Variants in NIBAN1 observed in about 807,000 individuals in gnomAD.
NIBAN1 encodes the protein protein Niban 1.
Under a neutral mutation model 75.1 loss-of-function variants are expected in NIBAN1, and 81 were observed. The ratio of observed to expected loss-of-function variants is 1.08; its 90% CI spans 0.90 to 1.30. The LOEUF is 1.30. NIBAN1 is among the 50% of genes most tolerant of loss of function. NIBAN1 has a pLI of 0.00. For synonymous variants in NIBAN1, 436 were observed against 424.8 expected (o/e 1.03, Z -0.32); for missense variants, 1,133 against 1,128.1 (o/e 1.00, Z -0.06).
intron 5 of NIBAN1, among the ~76,000 whole-genome samples, chr1:184,878,065 G>A (rs959033650): frequency 6.6e-6 from 1 of 152,108 alleles, no homozygotes; most frequent in Admixed American, 6.6e-5. Context: ...GAGATGGGGT[G>A]GAAGTCTGTG....
At chr1:184,827,794 A>G (rs1654883749) in intron 6 of NIBAN1, among the ~76,000 whole-genome samples, 1 of 151,874 alleles carries the variant, frequency 6.6e-6, no homozygotes, top group African/African-American at 2.4e-5. Context: ...TCCTTCCTGA[A>G]GCAGGCCCCG....
rs758672120 is a variant in NIBAN1, at chr1:184,961,378, T to C, written c.55+12924A>G. On this transcript the variant is annotated intron_variant, in intron 1 of 13. Coordinates refer to ENST00000367511, the MANE Select transcript of NIBAN1 (RefSeq NM_052966.4). Reference sequence around the variant, plus strand: ...GCCACCGCGCCCAGCCTACATGCTGTTCTTTCTAACCAAAATATACTCCCC... The same window carrying C: ...GCCACCGCGCCCAGCCTACATGCTGCTCTTTCTAACCAAAATATACTCCCC... Among the ~76,000 whole-genome samples the C allele has an allele frequency of 3.2e-4, 48 of 152,076 alleles. 1 individual carries two copies. The highest frequency in any genetic ancestry group is 2.0e-3 in the Admixed American group (30 of 15,276).
chr1:184,967,804 T>C (rs1373360239), intron 1 of NIBAN1, among the ~76,000 whole-genome samples: 2 of 152,180 alleles, frequency 1.3e-5, no homozygotes. Context: ...AGGCTTGTAT[T>C]AGAAGCCACA....
intron 1 of NIBAN1, among the ~76,000 whole-genome samples, chr1:184,955,433 G>A (rs1012993559): frequency 7.3e-5 from 11 of 151,282 alleles, no homozygotes; most frequent in Admixed American, 1.3e-4. Context: ...CTGTCTCCCA[G>A]GATCAAGCCA....
intron 5 of NIBAN1, among the ~76,000 whole-genome samples, chr1:184,865,182 C>T (rs530625046): frequency 1.3e-5 from 2 of 152,060 alleles, no homozygotes; most frequent in South Asian, 4.1e-4. Context: ...AGTTCAGCCA[C>T]TGTGGAAAGC....
At chr1:184,902,669 A>T (rs1239604239) in intron 1 of NIBAN1, among the ~76,000 whole-genome samples, 2 of 152,188 alleles carry the variant, frequency 1.3e-5, no homozygotes, top group African/African-American at 4.8e-5. Context: ...GCTCCAAACA[A>T]ATACAACCTA....
intron 5 of NIBAN1, among the ~76,000 whole-genome samples, chr1:184,866,813 T>C (rs1655969741): frequency 6.6e-6 from 1 of 152,158 alleles, no homozygotes; most frequent in Admixed American, 6.5e-5. Flanking sequence ...AACCCAATCA[T>C]AAATGTCAAT....
intron 1 of NIBAN1, among the ~76,000 whole-genome samples, chr1:184,899,897 A>C (rs1656903788): frequency 6.9e-6 from 1 of 145,850 alleles, no homozygotes; most frequent in African/African-American, 2.5e-5. Flanking sequence ...GCTCACCACA[A>C]CTTTCACCTC....
chr1:184,894,108 A>G lies in NIBAN1; in HGVS notation c.285T>C (p.Asn95=). The change falls in exon 3 of 14, where the codon AAT becomes AAC. Residue 95 remains asparagine, a synonymous_variant. Transcript: ENST00000367511. ...TCTCATAGCTCTCCACAGCATAATC[A>G]TTTTTAACTACAACGTATCTCTCCT... ...KWKERYVVVK[N]DYAVESYENK... is the part of the protein sequence containing the mutation. 2 of 1,612,330 alleles carry G rather than the reference A, an allele frequency of 1.2e-6. No homozygotes were observed. The highest frequency in any genetic ancestry group is 1.7e-6 in the Non-Finnish European group (2 of 1,179,276).
At position 184,819,448 on chromosome 1, in the gene NIBAN1, C is replaced by T. The variant is rs116802118; in HGVS notation, c.986-623G>A. ...AAAAATGTAGAATACATTTTGATCA[C>T]GAAGAAGAATGAAAAAATGCCACTA... On this transcript the variant is annotated intron_variant, in intron 8 of 13. Coordinates refer to ENST00000367511, the MANE Select transcript of NIBAN1 (RefSeq NM_052966.4). Among the ~76,000 whole-genome samples, 631 of 152,068 alleles carry T rather than the reference C, an allele frequency of 4.1e-3. 5 individuals carry two copies. The highest frequency in any genetic ancestry group is 0.014 in the African/African-American group (596 of 41,462).
chr1:184,830,059 G>C (rs997767489), intron 6 of NIBAN1, among the ~76,000 whole-genome samples: 1 of 152,168 alleles, frequency 6.6e-6, no homozygotes, highest in Non-Finnish European at 1.5e-5. Context: ...CACATTGCCC[G>C]GCATAGAGTC....
chr1:184,968,397 C>T (rs1400280966), intron 1 of NIBAN1, among the ~76,000 whole-genome samples: 1 of 152,196 alleles, frequency 6.6e-6, no homozygotes, highest in Admixed American at 6.5e-5. Context: ...TTATTTGAAA[C>T]TCCTGCTAGC....
At chr1:184,862,900 CT>C (rs1332180417) in intron 5 of NIBAN1, among the ~76,000 whole-genome samples, 1 of 151,214 alleles carries the variant, frequency 6.6e-6, no homozygotes, top group Non-Finnish European at 1.5e-5. Flanking sequence ...CACAGGTAAA[CT>C]TGTGTCATAG....
chr1:184,897,755 G>T (rs1656838260), intron 2 of NIBAN1, among the ~76,000 whole-genome samples: 1 of 152,104 alleles, frequency 6.6e-6, no homozygotes, highest in Non-Finnish European at 1.5e-5. Flanking sequence ...CCACTTATTT[G>T]CTCTGGTTAA....
chr1:184,936,584 C>T (rs1657968051), intron 1 of NIBAN1, among the ~76,000 whole-genome samples: 1 of 152,198 alleles, frequency 6.6e-6, no homozygotes, highest in South Asian at 2.1e-4. Context: ...TCTGGCAGGG[C>T]CATTCCCTTC....
In NIBAN1 at chr1:184,814,178, T is replaced by C. The variant is rs1381647593; in HGVS notation, c.1173+4460A>G. Among the ~76,000 whole-genome samples, 9 of 152,300 alleles carry C rather than the reference T, an allele frequency of 5.9e-5. No homozygotes were observed. The East Asian group carries it at 1.7e-3, about 29-fold the overall frequency. ...CTGTAAGAGATTCTATGTGTGAATA[T>C]ATTGGCTAAATAAAATGGCATTATT... On this transcript the variant is annotated intron_variant, in intron 9 of 13. Coordinates refer to ENST00000367511, the MANE Select transcript of NIBAN1 (RefSeq NM_052966.4).
At chr1:184,897,307 T>TGC (rs1656826643) in intron 2 of NIBAN1, among the ~76,000 whole-genome samples, 3 of 151,672 alleles carry the variant, frequency 2.0e-5, no homozygotes, top group Admixed American at 2.0e-4. Flanking sequence ...TGTGTGTGTG[T>TGC]GTGTGTGTGT....
intron 9 of NIBAN1, among the ~76,000 whole-genome samples, chr1:184,810,563 G>A (rs569952947): frequency 6.6e-6 from 1 of 152,350 alleles, no homozygotes; most frequent in South Asian, 2.1e-4. Context: ...GTATGCACCT[G>A]TAACAATAAC....
At chr1:184,948,618 C>G (rs1472882561) in intron 1 of NIBAN1, among the ~76,000 whole-genome samples, 2 of 151,756 alleles carry the variant, frequency 1.3e-5, no homozygotes, top group Non-Finnish European at 2.9e-5. Context: ...TTAAAATGAC[C>G]TAAATGTCCA....
Sources: gnomAD v4.1 joint callset for allele counts (sites outside exome capture counted in the v4.1 genomes callset) on GRCh38, gnomAD v4.1.1 for gene constraint, MANE v1.5 for transcripts, NCBI Gene and HGNC (gene_info 2026-07-23, HGNC 2026-07-21) for gene names.